The following ANKRD6 variants were observed in gnomAD, a reference collection of about 807,000 sequenced individuals.
ANKRD6 encodes ankyrin repeat domain 6.
A neutral mutation model predicts 82.3 loss-of-function variants in ANKRD6; 56 were observed. The ratio of observed to expected loss-of-function variants is 0.68; its 90% CI spans 0.55 to 0.85. ANKRD6 has a LOEUF of 0.85. Among genes scored for constraint, ANKRD6 ranks in the 40% least tolerant of loss-of-function variants. The pLI is 0.00. For synonymous variants in ANKRD6, 347 were observed against 352.1 expected, an observed-to-expected ratio of 0.99 and a Z score of 0.16; for missense variants, 852 against 907.6, an observed-to-expected ratio of 0.94 and a Z score of 0.79.
chr6:89,491,059 C>A (rs1325920742), intron 1 of ANKRD6, among the ~76,000 whole-genome samples: 1 of 152,066 alleles, frequency 6.6e-6, no homozygotes, highest in African/African-American at 2.4e-5. Flanking sequence ...GGCCACAAGT[C>A]AAGGAATGTT....
At chr6:89,543,719 A>G (rs983398407) in intron 1 of ANKRD6, among the ~76,000 whole-genome samples, 2 of 152,174 alleles carry the variant, frequency 1.3e-5, no homozygotes, top group Admixed American at 6.6e-5. Context: ...CTGAGACTGA[A>G]TTGCAGCATC....
intron 1 of ANKRD6, among the ~76,000 whole-genome samples, chr6:89,518,749 A>G (rs1295663263): frequency 6.6e-6 from 1 of 152,200 alleles, no homozygotes; most frequent in Non-Finnish European, 1.5e-5. Context: ...GAATCTTTTC[A>G]GTCAAGCCAG....
chr6:89,607,702 C>T (rs1799112499), intron 5 of ANKRD6, among the ~76,000 whole-genome samples: 1 of 147,028 alleles, frequency 6.8e-6, no homozygotes, highest in Admixed American at 7.0e-5. Flanking sequence ...GTCACCCAGG[C>T]TGGAGTGCAA....
intron 4 of ANKRD6, among the ~76,000 whole-genome samples, chr6:89,604,416 A>C (rs749731443): frequency 5.9e-5 from 9 of 152,066 alleles, no homozygotes; most frequent in Non-Finnish European, 1.0e-4. Context: ...ATTTTCAAAC[A>C]ATCTTAAAAC....
chr6:89,461,950 G>A (rs1207368239), intron 1 of ANKRD6, among the ~76,000 whole-genome samples: 1 of 152,014 alleles, frequency 6.6e-6, no homozygotes, highest in African/African-American at 2.4e-5. Context: ...AAGTGAAATG[G>A]GCCGGGCACA....
intron 2 of ANKRD6, among the ~76,000 whole-genome samples, chr6:89,569,596 C>T (rs1789322103): frequency 6.6e-6 from 1 of 152,148 alleles, no homozygotes; most frequent in South Asian, 2.1e-4. Flanking sequence ...TTTCAGTTCT[C>T]TAGAGTATAT....
Position 89,626,839 on chromosome 6 carries a change from T to C in ANKRD6, c.1372-744T>C, listed in dbSNP as rs1249941398. On this transcript the variant is annotated intron_variant, in intron 13 of 15. Transcript: ENST00000339746. ...AACTGCTTGTTCTCTGAAGCAATCC[T>C]TTAAGTTCCTTCTACACTCTTCTTA... 4.6e-5 allele frequency among the ~76,000 whole-genome samples: 7 copies of C among 152,334 alleles called. No individual in the cohort carries two copies. The East Asian group carries it at 1.4e-3, about 29-fold the overall frequency.
intron 5 of ANKRD6, 37 bp downstream of exon 5, chr6:89,606,142 G>C: frequency 6.7e-7 from 1 of 1,481,916 alleles, no homozygotes; most frequent in Non-Finnish European, 9.1e-7. Context: ...CTCATTCACA[G>C]GTGAGGATGG....
intron 1 of ANKRD6, among the ~76,000 whole-genome samples, chr6:89,468,207 CCTAATAAATGATAATGAGGCTATTTAT>C (rs1291860131): frequency 5.9e-5 from 9 of 152,116 alleles, no homozygotes; most frequent in South Asian, 2.1e-4. Context: ...TCACATTTTA[CCTAATAAATGATAATGAGGCTATTTAT>C]CTTGTCTGTC....
chr6:89,548,755 A>G (rs919732877), intron 1 of ANKRD6, among the ~76,000 whole-genome samples: 9 of 152,266 alleles, frequency 5.9e-5, no homozygotes, highest in African/African-American at 2.2e-4. Flanking sequence ...TTTTGATAAA[A>G]TTATACAGTG....
At chr6:89,479,934 G>A (rs370139981) in intron 1 of ANKRD6, among the ~76,000 whole-genome samples, 7 of 152,238 alleles carry the variant, frequency 4.6e-5, no homozygotes, top group African/African-American at 1.7e-4. Flanking sequence ...TGTTTGGGGT[G>A]TGTTAAAACA....
At chr6:89,442,977 A>G (rs184333085) in intron 1 of ANKRD6, among the ~76,000 whole-genome samples, 14 of 152,280 alleles carry the variant, frequency 9.2e-5, no homozygotes, top group African/African-American at 1.9e-4. Context: ...TGCAGAAGCA[A>G]TTTTCCCCCC....
intron 1 of ANKRD6, among the ~76,000 whole-genome samples, chr6:89,443,671 C>T (rs1771709439): frequency 7.2e-6 from 1 of 139,664 alleles, no homozygotes; most frequent in African/African-American, 2.8e-5. Flanking sequence ...AGAGATTTTG[C>T]CATGTTGCTG....
At chr6:89,556,242 A>G (rs562784939) in intron 1 of ANKRD6, among the ~76,000 whole-genome samples, 4 of 152,242 alleles carry the variant, frequency 2.6e-5, no homozygotes, top group African/African-American at 7.2e-5. Flanking sequence ...TAACACTGAC[A>G]CAACATAAAG....
chr6:89,525,161 G>A (rs1013070384), intron 1 of ANKRD6, among the ~76,000 whole-genome samples: 1 of 152,118 alleles, frequency 6.6e-6, no homozygotes, highest in Admixed American at 6.5e-5. Context: ...GGGCCTGGTG[G>A]CACACACCTC....
Position 89,633,586 on chromosome 6 carries a change from G to T in ANKRD6, c.*2582G>T, listed in dbSNP as rs2128294186. 6.6e-6 allele frequency: 1 copy of T among 152,216 alleles called. No individual in the cohort carries two copies. The highest frequency in any genetic ancestry group is 1.9e-4 in the East Asian group (1 of 5,194). The allele number at this position is 152,216 out of a possible 1,614,324, so 9.4% of individuals were successfully genotyped here. A position where few individuals can be genotyped will look rare whatever the true frequency, so the allele number is the denominator to read the frequency against. On this transcript the variant is annotated 3_prime_UTR_variant, in exon 16 of 16. Transcript: ENST00000339746. Reference sequence around the variant, plus strand: ...TAGTGTTTTTTTAAAGAAATTGTTAGTGCATTATTGAGTATACTAAATATC... The same window carrying T: ...TAGTGTTTTTTTAAAGAAATTGTTATTGCATTATTGAGTATACTAAATATC...
chr6:89,498,005 G>A (rs534111456), intron 1 of ANKRD6, among the ~76,000 whole-genome samples: 27 of 152,130 alleles, frequency 1.8e-4, no homozygotes, highest in South Asian at 2.1e-4. Flanking sequence ...CTTTCATTGC[G>A]CATAATGTTT....
rs944149818 is a variant in ANKRD6 at position 89,555,130 on chromosome 6, A to G, written c.-143-11704A>G. Among the ~76,000 whole-genome samples the G allele has an allele frequency of 5.7e-5, 7 of 122,150 alleles. No individual in the cohort carries two copies. The East Asian group carries it at 1.7e-3, about 29-fold the overall frequency. 80.1% of individuals were successfully genotyped at this position (122,150 alleles called of 152,430 possible). ...CTCCCCCGCCTCAGCGTTTTTTTAT[A>G]TAGATGGGCTTAGCCTCCCTTGACA... On this transcript the variant is annotated intron_variant, in intron 1 of 15. Transcript: ENST00000339746.
intron 1 of ANKRD6, among the ~76,000 whole-genome samples, chr6:89,557,739 C>G (rs1200452363): frequency 1.3e-5 from 2 of 152,060 alleles, no homozygotes; most frequent in African/African-American, 4.8e-5. Flanking sequence ...CAGCTGCTCC[C>G]CATCACTTGC....
Sources: allele counts gnomAD v4.1 joint callset (sites outside exome capture counted in the v4.1 genomes callset), GRCh38; gene constraint gnomAD v4.1.1; transcripts MANE v1.5; gene names NCBI Gene and HGNC (gene_info 2026-07-23, HGNC 2026-07-21).